Variants in PTPRT observed in about 807,000 individuals in gnomAD.
PTPRT encodes the protein protein tyrosine phosphatase receptor type T, also known as receptor-type tyrosine-protein phosphatase T.
Under a neutral mutation model 176.8 loss-of-function variants are expected in PTPRT, and 56 were observed. The observed-to-expected ratio is 0.32, with a 90% CI of 0.26 to 0.40. The LOEUF (loss-of-function observed/expected upper bound fraction) is 0.40, where lower values mean the gene tolerates loss of function less well. PTPRT is among the 10% of genes least tolerant of loss of function. The pLI, the probability that PTPRT is intolerant of heterozygous loss-of-function variation, is 1.00. For missense variants in PTPRT, 1,540 were observed against 1,908.2 expected (o/e 0.81, Z 3.60); for synonymous variants, 783 against 739.0 (o/e 1.06, Z -0.96).
chr20:42,787,164 T>C (rs1055627237), intron 3 of PTPRT, among the ~76,000 whole-genome samples: 3 of 152,228 alleles, frequency 2.0e-5, no homozygotes, highest in African/African-American at 7.2e-5. Flanking sequence ...ATCTACAAAA[T>C]GAGGATAAAC....
intron 7 of PTPRT, among the ~76,000 whole-genome samples, chr20:42,530,654 C>G (rs1272279110): frequency 1.3e-5 from 2 of 152,294 alleles, no homozygotes; most frequent in Admixed American, 6.5e-5. Flanking sequence ...CTTGCATGTG[C>G]TTCTCCTGTG....
At chr20:42,654,807 G>C (rs1039723351) in intron 7 of PTPRT, among the ~76,000 whole-genome samples, 1 of 152,192 alleles carries the variant, frequency 6.6e-6, no homozygotes, top group Non-Finnish European at 1.5e-5. Context: ...TGAGATGAGA[G>C]TTTAAATCTG....
At chr20:42,143,670 T>C (rs1371229830) in intron 17 of PTPRT, among the ~76,000 whole-genome samples, 3 of 151,968 alleles carry the variant, frequency 2.0e-5, no homozygotes, top group Admixed American at 1.3e-4. Context: ...GGATGTTCAG[T>C]TGAATGTTGT....
In PTPRT at chr20:42,166,018, T is replaced by C. The variant is rs34889288; in HGVS notation, c.2492-4476A>G. On this transcript the variant is annotated intron_variant, in intron 16 of 30. Coordinates refer to ENST00000373187, the MANE Select transcript of PTPRT (RefSeq NM_007050.6). ...ACAAAAATTATTAATGCTATATTTT[T>C]ACATTCTTTATTCACACAAAAGCTT... is the stretch of plus-strand genomic sequence containing the variant. 1.8e-3 allele frequency among the ~76,000 whole-genome samples: 277 copies of C among 152,362 alleles called. 2 individuals carry two copies. Among genetic ancestry groups the C allele is most frequent in the Admixed American group, 3.7e-3 (56 of 15,308 alleles).
intron 15 of PTPRT, among the ~76,000 whole-genome samples, chr20:42,230,987 C>T (rs997183089): frequency 2.0e-5 from 3 of 152,194 alleles, no homozygotes; most frequent in African/African-American, 7.2e-5. Flanking sequence ...ACCTCTGATG[C>T]AGCAGCTCAG....
intron 7 of PTPRT, among the ~76,000 whole-genome samples, chr20:42,623,272 G>C (rs1223641848): frequency 6.6e-6 from 1 of 152,206 alleles, no homozygotes; most frequent in African/African-American, 2.4e-5. Flanking sequence ...TGCCCGCTGG[G>C]CTTCAGGAGT....
intron 1 of PTPRT, among the ~76,000 whole-genome samples, chr20:42,899,417 CTG>C (rs1293939581): frequency 6.6e-6 from 1 of 152,206 alleles, no homozygotes; most frequent in Non-Finnish European, 1.5e-5. Context: ...TTGGCACTTG[CTG>C]TTCCCCCATG....
At chr20:43,086,714 G>A (rs1010160979) in intron 1 of PTPRT, among the ~76,000 whole-genome samples, 12 of 152,120 alleles carry the variant, frequency 7.9e-5, no homozygotes, top group African/African-American at 2.9e-4. Context: ...TAAGGACCAC[G>A]ACTCTGTGTT....
chr20:42,496,291 T>C (rs1337746334), intron 7 of PTPRT, among the ~76,000 whole-genome samples: 2 of 152,042 alleles, frequency 1.3e-5, no homozygotes, highest in African/African-American at 4.8e-5. Flanking sequence ...CAAAAACACA[T>C]TGCAATTTGT....
intron 8 of PTPRT, among the ~76,000 whole-genome samples, chr20:42,461,417 G>A (rs548120489): frequency 6.6e-6 from 1 of 152,154 alleles, no homozygotes; most frequent in South Asian, 2.1e-4. Context: ...TATCCCACAT[G>A]TCCTAGCTAC....
At chr20:42,778,792 CA>C (rs2077173962) in intron 4 of PTPRT, among the ~76,000 whole-genome samples, 1 of 152,142 alleles carries the variant, frequency 6.6e-6, no homozygotes, top group Admixed American at 6.5e-5. Flanking sequence ...ATAAACCCTG[CA>C]TAGCTGGGGG....
chr20:42,669,106 T>C (rs2075370651), intron 7 of PTPRT, among the ~76,000 whole-genome samples: 1 of 152,026 alleles, frequency 6.6e-6, no homozygotes, highest in African/African-American at 2.4e-5. Flanking sequence ...TCTTCCGTGG[T>C]CCTACAACCC....
intron 7 of PTPRT, among the ~76,000 whole-genome samples, chr20:42,662,007 T>C (rs2075232154): frequency 6.6e-6 from 1 of 152,106 alleles, no homozygotes. Context: ...CTTGATAGAG[T>C]GAGCTTTGTG....
chr20:43,096,196 C>G (rs1206919877), intron 1 of PTPRT, among the ~76,000 whole-genome samples: 1 of 151,468 alleles, frequency 6.6e-6, no homozygotes, highest in Non-Finnish European at 1.5e-5. Flanking sequence ...CTCACTCTCT[C>G]TGTCTCTCTG....
chr20:42,354,155 C>A (rs2058326706), intron 9 of PTPRT, among the ~76,000 whole-genome samples: 1 of 152,136 alleles, frequency 6.6e-6, no homozygotes, highest in African/African-American at 2.4e-5. Context: ...TAATCAAAAA[C>A]CAAACCATTA....
intron 7 of PTPRT, among the ~76,000 whole-genome samples, chr20:42,547,879 C>T (rs1220873689): frequency 2.6e-5 from 4 of 151,914 alleles, no homozygotes; most frequent in Admixed American, 6.6e-5. Context: ...TACTAGGTAG[C>T]TAGATATAAT....
At chr20:42,064,917 C>A in the PTPRT span, among the ~76,000 whole-genome samples, 1 of 152,188 alleles carries the variant, frequency 6.6e-6, no homozygotes, top group East Asian at 1.9e-4. Context: ...TTAGGTTTCA[C>A]CAGGATCTCT....
the PTPRT span, among the ~76,000 whole-genome samples, chr20:42,035,394 C>T: frequency 1.3e-5 from 2 of 152,154 alleles, no homozygotes; most frequent in East Asian, 1.9e-4. Context: ...AATGTAGCTC[C>T]ATACCAGCTC....
chr20:42,132,238 C>A (rs1988156745), intron 18 of PTPRT, among the ~76,000 whole-genome samples: 1 of 152,186 alleles, frequency 6.6e-6, no homozygotes, highest in Non-Finnish European at 1.5e-5. Flanking sequence ...GATTTGGCTT[C>A]AAATCTTAGC....
Sources: allele counts gnomAD v4.1 joint callset (sites outside exome capture counted in the v4.1 genomes callset), GRCh38; gene constraint gnomAD v4.1.1; transcripts MANE v1.5; gene names NCBI Gene and HGNC (gene_info 2026-07-23, HGNC 2026-07-21).